Variants in NRXN3 observed in about 807,000 individuals in gnomAD.
NRXN3 encodes the protein neurexin 3.
A neutral mutation model predicts 137.6 loss-of-function variants in NRXN3; 32 were observed. The observed-to-expected ratio is 0.23, with a 90% confidence interval of 0.18 to 0.31. The LOEUF (loss-of-function observed/expected upper bound fraction) is 0.31, where lower values mean the gene tolerates loss of function less well. Ranked by LOEUF, NRXN3 falls within the 10% of genes least tolerant of loss-of-function variation. NRXN3 has a pLI of 1.00. For synonymous variants in NRXN3, 798 were observed against 784.5 expected, an observed-to-expected ratio of 1.02 and a Z score of -0.29; for missense variants, 1,574 against 2,062.5, an observed-to-expected ratio of 0.76 and a Z score of 4.59.
intron 4 of NRXN3, among the ~76,000 whole-genome samples, chr14:78,314,705 G>A (rs904227131): frequency 5.3e-5 from 8 of 152,136 alleles, no homozygotes; most frequent in Admixed American, 3.3e-4. Context: ...TGCCCCAGTG[G>A]ATGAGTTGTG....
intron 2 of NRXN3, among the ~76,000 whole-genome samples, chr14:78,249,230 A>G (rs1473454205): frequency 2.0e-5 from 3 of 152,164 alleles, no homozygotes; most frequent in Non-Finnish European, 4.4e-5. Flanking sequence ...CAGGCTGCAA[A>G]GAGGGTGGGC....
chr14:78,198,368 T>C (rs916530998), intron 1 of NRXN3, among the ~76,000 whole-genome samples: 11 of 152,196 alleles, frequency 7.2e-5, no homozygotes, highest in Non-Finnish European at 1.0e-4. Context: ...TGGCTTGCAA[T>C]TGAGAGCTTA....
chr14:79,078,202 A>C (rs1345414770), intron 15 of NRXN3, among the ~76,000 whole-genome samples: 1 of 152,152 alleles, frequency 6.6e-6, no homozygotes, highest in Non-Finnish European at 1.5e-5. Context: ...GAGGTCATTA[A>C]TTTCAACCAG....
chr14:78,665,093 C>G (rs1477966925), intron 6 of NRXN3, among the ~76,000 whole-genome samples: 2 of 152,130 alleles, frequency 1.3e-5, no homozygotes, highest in African/African-American at 4.8e-5. Flanking sequence ...CTATGGAATT[C>G]ACATTACGGT....
intron 16 of NRXN3, among the ~76,000 whole-genome samples, chr14:79,516,736 C>A (rs1198399723): frequency 6.6e-6 from 1 of 152,122 alleles, no homozygotes; most frequent in Non-Finnish European, 1.5e-5. Context: ...ATAGTCCCAC[C>A]TACTAAACAA....
chr14:79,342,801 G>A (rs2092678696), intron 15 of NRXN3, among the ~76,000 whole-genome samples: 1 of 152,168 alleles, frequency 6.6e-6, no homozygotes, highest in Non-Finnish European at 1.5e-5. Flanking sequence ...CACCTTGTCT[G>A]CTGCCTAGAT....
chr14:78,513,803 C>T (rs1426677870), intron 4 of NRXN3, among the ~76,000 whole-genome samples: 1 of 152,122 alleles, frequency 6.6e-6, no homozygotes, highest in Non-Finnish European at 1.5e-5. Context: ...TTAAGATCCC[C>T]ATAATTCATT....
chr14:78,918,482 A>G (rs960997578), intron 10 of NRXN3, among the ~76,000 whole-genome samples: 3 of 152,118 alleles, frequency 2.0e-5, no homozygotes, highest in African/African-American at 7.2e-5. Context: ...TGTATAAGTA[A>G]TAAACGCTGA....
chr14:78,732,844 G>T (rs746477597), intron 8 of NRXN3, among the ~76,000 whole-genome samples: 1 of 152,158 alleles, frequency 6.6e-6, no homozygotes, highest in African/African-American at 2.4e-5. Flanking sequence ...GGCCAGAAAA[G>T]GTTAGTGGGA....
At chr14:79,254,144 C>G (rs1268894460) in intron 15 of NRXN3, among the ~76,000 whole-genome samples, 2 of 152,058 alleles carry the variant, frequency 1.3e-5, no homozygotes, top group Non-Finnish European at 2.9e-5. Context: ...CCCCATAACA[C>G]TCTGGGGCAA....
intron 15 of NRXN3, among the ~76,000 whole-genome samples, chr14:79,346,047 CT>C (rs2092860476): frequency 6.6e-6 from 1 of 152,204 alleles, no homozygotes; most frequent in Admixed American, 6.5e-5. Context: ...CTATATTCCC[CT>C]AAATGATCTT....
intron 4 of NRXN3, among the ~76,000 whole-genome samples, chr14:78,592,719 C>A (rs368705214): frequency 6.6e-6 from 1 of 152,096 alleles, no homozygotes; most frequent in African/African-American, 2.4e-5. Context: ...TGCAACGGGC[C>A]CATTGTTCTA....
At chr14:79,503,823 C>G (rs2096847899) in intron 16 of NRXN3, among the ~76,000 whole-genome samples, 1 of 152,180 alleles carries the variant, frequency 6.6e-6, no homozygotes. Flanking sequence ...CTCTCCAGTG[C>G]CTGAAACTTC....
At chr14:79,790,711 C>T (rs1465180355) in intron 19 of NRXN3, among the ~76,000 whole-genome samples, 1 of 150,722 alleles carries the variant, frequency 6.6e-6, no homozygotes, top group Non-Finnish European at 1.5e-5. Context: ...ACCTCCGCCT[C>T]CCAGGTTCAA....
At chr14:79,728,161 C>T (rs572758837) in intron 19 of NRXN3, among the ~76,000 whole-genome samples, 3 of 152,198 alleles carry the variant, frequency 2.0e-5, no homozygotes. Context: ...AGGTGTTTCC[C>T]AGAAAATTAA....
intron 16 of NRXN3, chr14:79,572,933 A>G (rs1324449082): frequency 6.6e-6 from 1 of 152,230 alleles, no homozygotes; most frequent in Non-Finnish European, 1.5e-5. Context: ...AAGGAACAAT[A>G]TGTACACATA....
intron 4 of NRXN3, among the ~76,000 whole-genome samples, chr14:78,449,327 C>T (rs1006564688): frequency 6.6e-6 from 1 of 152,204 alleles, no homozygotes; most frequent in Admixed American, 6.5e-5. Flanking sequence ...ATTCTCATGT[C>T]TCAGCCTCCT....
intron 15 of NRXN3, among the ~76,000 whole-genome samples, chr14:79,126,922 C>T (rs2056605358): frequency 6.6e-6 from 1 of 152,176 alleles, no homozygotes; most frequent in Non-Finnish European, 1.5e-5. Flanking sequence ...TCTCTGTTGG[C>T]CAGTGATGGT....
At chr14:78,597,428 C>A (rs1039580106) in intron 4 of NRXN3, among the ~76,000 whole-genome samples, 1 of 152,118 alleles carries the variant, frequency 6.6e-6, no homozygotes, top group Non-Finnish European at 1.5e-5. Flanking sequence ...ACTGAAGAAT[C>A]TATTTTCTTT....
Sources: allele counts gnomAD v4.1 joint callset (sites outside exome capture counted in the v4.1 genomes callset), GRCh38; gene constraint gnomAD v4.1.1; transcripts MANE v1.5; gene names NCBI Gene and HGNC (gene_info 2026-07-23, HGNC 2026-07-21).